HECW2: variants seen among roughly 807,000 people sequenced by gnomAD.
The protein encoded by HECW2 is E3 ubiquitin-protein ligase HECW2.
HECW2 carries 61 observed loss-of-function variants against 175.2 expected under a neutral mutation model. The observed-to-expected ratio is 0.35, with a 90% confidence interval of 0.28 to 0.43. The LOEUF (loss-of-function observed/expected upper bound fraction) is 0.43. HECW2 is among the 20% of genes least tolerant of loss of function. The pLI, the probability that HECW2 is intolerant of heterozygous loss-of-function variation, is 1.00. For synonymous variants in HECW2, 671 were observed against 731.0 expected (o/e 0.92, Z 1.32); for missense variants, 1,524 against 2,000.5 (o/e 0.76, Z 4.54).
chr2:196,368,551 T>C (rs575222382), intron 2 of HECW2, among the ~76,000 whole-genome samples: 1 of 152,316 alleles, frequency 6.6e-6, no homozygotes, highest in East Asian at 1.9e-4. Context: ...TGTTATTATC[T>C]CTTTGAATAA....
At chr2:196,462,876 C>T (rs568306558) in intron 1 of HECW2, among the ~76,000 whole-genome samples, 2 of 152,232 alleles carry the variant, frequency 1.3e-5, no homozygotes, top group African/African-American at 2.4e-5. Context: ...TGTACAAATG[C>T]CTGATGAAAG....
Position 196,325,138 on chromosome 2 carries a change from C to A in HECW2, c.583G>T (p.Val195Phe), listed in dbSNP as rs769166378. Reference protein sequence around the residue: ...VSFTLSDLRAVGLKKGMFFNP... With the variant: ...VSFTLSDLRAFGLKKGMFFNP... The stretch of plus-strand genomic sequence containing the variant: ...AAGAACATCCCTTTCTTTAGCCCAA[C>A]TGCCCTAAGATCTTTAAAGAAAGAG... Residue 195 changes from valine to phenylalanine, a missense_variant, in exon 6 of 29, where the codon GTT (valine) becomes TTT (phenylalanine). Transcript: ENST00000644978. The A allele has an allele frequency of 6.3e-7, 1 of 1,595,126 alleles. No homozygotes were observed. Among genetic ancestry groups the A allele is most frequent in the Non-Finnish European group, 8.5e-7 (1 of 1,172,172 alleles).
At chr2:196,561,585 A>G (rs1008396625) in intron 1 of HECW2, among the ~76,000 whole-genome samples, 1 of 152,134 alleles carries the variant, frequency 6.6e-6, no homozygotes, top group African/African-American at 2.4e-5. Flanking sequence ...ACCTGCTGAC[A>G]TGTGATGTCT....
intron 2 of HECW2, among the ~76,000 whole-genome samples, chr2:196,378,270 A>G (rs1260234666): frequency 1.3e-5 from 2 of 152,180 alleles, no homozygotes; most frequent in Non-Finnish European, 2.9e-5. Flanking sequence ...ACCCCCATAC[A>G]CACACAATTT....
chr2:196,585,122 G>A (rs56069940), intron 1 of HECW2, among the ~76,000 whole-genome samples: 31,678 of 152,020 alleles, frequency 0.21, 4,095 homozygotes, highest in Non-Finnish European at 0.3. Context: ...GTATATTACT[G>A]AGGTATACCA....
intron 2 of HECW2, among the ~76,000 whole-genome samples, chr2:196,373,677 A>G (rs981193615): frequency 3.3e-5 from 5 of 152,226 alleles, no homozygotes; most frequent in African/African-American, 1.2e-4. Context: ...TCAGTAAAGG[A>G]TAAGAGTACA....
chr2:196,542,609 C>T lies in HECW2; in HGVS notation c.-36+50899G>A, dbSNP rs754826097. Among the ~76,000 whole-genome samples, 5 of 152,094 alleles carry T rather than the reference C, an allele frequency of 3.3e-5. No individual in the cohort carries two copies. In the South Asian group the frequency reaches 6.2e-4, roughly 19 times the overall value. The stretch of plus-strand genomic sequence containing the variant: ...CCCTTACACCCTTTTCTGTCAGCCA[C>T]CCATTCCTCTCCCCAGAAGCAACTA... On this transcript the variant is annotated intron_variant, in intron 1 of 28. Transcript: ENST00000644978.
chr2:196,507,005 G>A lies in HECW2; in HGVS notation c.-35-73547C>T, dbSNP rs1170375170. On this transcript the variant is annotated intron_variant, in intron 1 of 28. Coordinates refer to ENST00000644978, the MANE Select transcript of HECW2 (RefSeq NM_001348768.2). ...AGCAGGTTTTATTCCAAAAATAAAT[G>A]TAATATTGGAATGGCTATTAGAATT... Among the ~76,000 whole-genome samples, 29 of 152,094 alleles carry A rather than the reference G, an allele frequency of 1.9e-4. 1 individual carries two copies. The highest frequency in any genetic ancestry group is 1.8e-3 in the Admixed American group (27 of 15,276).
At chr2:196,584,831 T>C (rs1241919498) in intron 1 of HECW2, among the ~76,000 whole-genome samples, 2 of 152,216 alleles carry the variant, frequency 1.3e-5, no homozygotes, top group African/African-American at 2.4e-5. Context: ...CAACATTCTC[T>C]GCCAAAGCCC....
At chr2:196,431,032 G>A (rs1406218) in intron 2 of HECW2, among the ~76,000 whole-genome samples, 90,595 of 151,954 alleles carry the variant, frequency 0.6, 29,674 homozygotes, top group East Asian at 0.91. Flanking sequence ...AATCTTGAAA[G>A]TAGCCAAAGG....
At chr2:196,376,764 T>C (rs1299048738) in intron 2 of HECW2, among the ~76,000 whole-genome samples, 2 of 151,538 alleles carry the variant, frequency 1.3e-5, no homozygotes, top group African/African-American at 4.9e-5. Flanking sequence ...TGAAACCCCG[T>C]CTCTACTAAA....
At chr2:196,517,587 C>A (rs965114236) in intron 1 of HECW2, among the ~76,000 whole-genome samples, 2 of 152,116 alleles carry the variant, frequency 1.3e-5, no homozygotes, top group African/African-American at 2.4e-5. Flanking sequence ...GTATCAGTAT[C>A]CAATTAGAAG....
At position 196,367,876 on chromosome 2, in the gene HECW2, T is replaced by TGTGTGTGTGTGTGTG. The variant is rs1553508124; in HGVS notation, c.293-24113_293-24112insCACACACACACACAC. ...CCATTGTGTGTGTGTGTGTGTGTGT[T>TGTGTGTGTGTGTGTG]TGTGTGTGTGTGTGTGTATGGTACA... On this transcript the variant is annotated intron_variant, in intron 2 of 28. Transcript: ENST00000644978. Among the ~76,000 whole-genome samples, 162 of 144,994 alleles carry TGTGTGTGTGTGTGTG rather than the reference T, an allele frequency of 1.1e-3. 4 individuals carry two copies. The highest frequency in any genetic ancestry group is 4.1e-3 in the African/African-American group (155 of 38,086).
intron 2 of HECW2, among the ~76,000 whole-genome samples, chr2:196,419,584 A>G (rs73049030): frequency 0.26 from 39,337 of 152,048 alleles, 5,500 homozygotes; most frequent in African/African-American, 0.35. Flanking sequence ...TGTTCTGAAT[A>G]CAGTGCATTA....
chr2:196,556,853 G>A (rs1262535397), intron 1 of HECW2, among the ~76,000 whole-genome samples: 1 of 152,090 alleles, frequency 6.6e-6, no homozygotes, highest in Non-Finnish European at 1.5e-5. Flanking sequence ...AAAATATTGT[G>A]AACAAACTTA....
chr2:196,443,421 A>G (rs1345427995), intron 1 of HECW2, among the ~76,000 whole-genome samples: 1 of 152,224 alleles, frequency 6.6e-6, no homozygotes, highest in East Asian at 1.9e-4. Context: ...AATACAGGAT[A>G]GATTGTGATG....
chr2:196,242,731 C>T (rs1365648338), intron 19 of HECW2: 1 of 146,872 alleles, frequency 6.8e-6, no homozygotes, highest in African/African-American at 2.5e-5. Context: ...ACTCTGTCAC[C>T]CAGCAGGCTG....
At chr2:196,480,166 A>G (rs1156388548) in intron 1 of HECW2, among the ~76,000 whole-genome samples, 3 of 152,164 alleles carry the variant, frequency 2.0e-5, no homozygotes, top group African/African-American at 7.2e-5. Flanking sequence ...TCTGTCTGAA[A>G]TATCTTTCCA....
At chr2:196,561,483 T>C (rs1428397452) in intron 1 of HECW2, among the ~76,000 whole-genome samples, 1 of 152,184 alleles carries the variant, frequency 6.6e-6, no homozygotes, top group Non-Finnish European at 1.5e-5. Flanking sequence ...GCATGTGATC[T>C]TTGTGACCCA....
Sources: gnomAD v4.1 joint callset for allele counts (sites outside exome capture counted in the v4.1 genomes callset) on GRCh38, gnomAD v4.1.1 for gene constraint, MANE v1.5 for transcripts, NCBI Gene and HGNC (gene_info 2026-07-23, HGNC 2026-07-21) for gene names.